Variants in MYH9 observed in about 807,000 individuals in gnomAD.
The protein encoded by MYH9 is myosin heavy chain 9.
Under a neutral mutation model 241.9 loss-of-function variants are expected in MYH9, and 29 were observed. The observed-to-expected ratio is 0.12, with a 90% confidence interval of 0.09 to 0.16. The LOEUF is 0.16. Among genes scored for constraint, MYH9 ranks in the 10% least tolerant of loss-of-function variants. The probability of loss-of-function intolerance (pLI) is 1.00; values close to 1 mark genes in which losing one functional copy is unlikely to be tolerated. For synonymous variants in MYH9, 1,047 were observed against 1,062.6 expected (o/e 0.99, Z 0.29); for missense variants, 1,803 against 2,595.5 (o/e 0.69, Z 6.63).
intron 2 of MYH9, among the ~76,000 whole-genome samples, chr22:36,348,334 C>T (rs143629566): frequency 0.03 from 4,566 of 150,848 alleles, 223 homozygotes; most frequent in African/African-American, 0.1. Context: ...CATGGTGAAA[C>T]CCCGTCTCTA....
Position 36,330,186 on chromosome 22 carries a change from A to G in MYH9, c.491-2698T>C, listed in dbSNP as rs1055107316. Among the ~76,000 whole-genome samples, 1 of 152,182 alleles carries G rather than the reference A, an allele frequency of 6.6e-6. No individual in the cohort carries two copies. Among genetic ancestry groups the G allele is most frequent in the Non-Finnish European group, 1.5e-5 (1 of 68,038 alleles). On this transcript the variant is annotated intron_variant, in intron 3 of 40. Coordinates refer to ENST00000216181, the MANE Select transcript of MYH9 (RefSeq NM_002473.6). This position sits in a 1 kb window ranked among gnomAD's most constrained non-coding sequence, Gnocchi z 4.5. ...CCCGTCCAATTCCTGAAGCCAATTT[A>G]CCACTGTCAACACAGCCTAACCATA...
chr22:36,321,134 A>T (rs1001997787), intron 7 of MYH9, among the ~76,000 whole-genome samples: 1 of 152,106 alleles, frequency 6.6e-6, no homozygotes, highest in Non-Finnish European at 1.5e-5. Context: ...TAGTAGAGAC[A>T]GAGTTTTGCC....
chr22:36,339,690 T>C (rs1371488683), intron 3 of MYH9, among the ~76,000 whole-genome samples: 1 of 152,172 alleles, frequency 6.6e-6, no homozygotes, highest in Non-Finnish European at 1.5e-5. Flanking sequence ...ACCACCACTG[T>C]CTAGATAGAC....
Position 36,302,693 on chromosome 22 carries a change from A to G in MYH9, c.2391-17T>C, listed in dbSNP as rs761153800. On this transcript the variant is annotated splice_polypyrimidine_tract_variant and intron_variant, in intron 19 of 40. Coordinates refer to ENST00000216181, the MANE Select transcript of MYH9 (RefSeq NM_002473.6). ...GCAAATGCTCTGTGTGGTGAGGAAC[A>G]TGGTCAGCGCGGAGCAGTGGACAGC... is the stretch of plus-strand genomic sequence containing the variant. The G allele has an allele frequency of 7.5e-6, 12 of 1,609,406 alleles. No homozygotes were observed. Among genetic ancestry groups the G allele is most frequent in the Admixed American group, 1.7e-5 (1 of 59,956 alleles).
At chr22:36,343,279 G>C (rs1327139570) in intron 2 of MYH9, among the ~76,000 whole-genome samples, 1 of 152,268 alleles carries the variant, frequency 6.6e-6, no homozygotes, top group East Asian at 1.9e-4. Context: ...GCTCACACTG[G>C]AATTCCAGCA....
intron 1 of MYH9, among the ~76,000 whole-genome samples, chr22:36,377,182 C>G (rs1190348394): frequency 2.0e-5 from 3 of 152,126 alleles, no homozygotes; most frequent in Admixed American, 2.0e-4. Context: ...AAAGAAGACC[C>G]CGCCTTTGAC....
chr22:36,325,744 A>C (rs2017326345), intron 5 of MYH9, among the ~76,000 whole-genome samples: 1 of 152,130 alleles, frequency 6.6e-6, no homozygotes, highest in African/African-American at 2.4e-5. Flanking sequence ...GCTGTGGGGA[A>C]ATCTGGGCAT....
chr22:36,382,188 G>C (rs895535625), intron 1 of MYH9, among the ~76,000 whole-genome samples: 1 of 152,100 alleles, frequency 6.6e-6, no homozygotes, highest in African/African-American at 2.4e-5. Flanking sequence ...AGGTACCAGA[G>C]TGCTGGCCAG....
intron 5 of MYH9, chr22:36,325,123 C>T (rs1443170102): frequency 1.3e-6 from 1 of 769,144 alleles, no homozygotes; most frequent in African/African-American, 1.7e-5. Flanking sequence ...AAATAGGCCT[C>T]CTAAAAAGAA....
At chr22:36,348,046 TATA>T (rs963418829) in intron 2 of MYH9, among the ~76,000 whole-genome samples, 14 of 146,946 alleles carry the variant, frequency 9.5e-5, no homozygotes, top group Admixed American at 6.9e-5. Context: ...ATTTTAATAA[TATA>T]ATAAATAATA....
intron 2 of MYH9, among the ~76,000 whole-genome samples, chr22:36,343,614 A>G (rs2017625665): frequency 6.6e-6 from 1 of 151,958 alleles, no homozygotes; most frequent in Non-Finnish European, 1.5e-5. Context: ...CTGCTTGGAA[A>G]AGGAGATGCA....
At chr22:36,310,387 T>C (rs995014253) in intron 14 of MYH9, among the ~76,000 whole-genome samples, 20 of 152,250 alleles carry the variant, frequency 1.3e-4, no homozygotes, top group Admixed American at 2.6e-4. Flanking sequence ...ATTACAGGCA[T>C]GAGCCCCTGT....
intron 1 of MYH9, among the ~76,000 whole-genome samples, chr22:36,359,638 A>G (rs550540359): frequency 6.6e-6 from 1 of 152,278 alleles, no homozygotes; most frequent in South Asian, 2.1e-4. Context: ...ACCTTCTAGC[A>G]CCCCCTGATT....
intron 21 of MYH9, 93 bp from the exon 22 acceptor site, chr22:36,301,150 G>T: frequency 1.6e-6 from 2 of 1,261,560 alleles, no homozygotes; most frequent in Non-Finnish European, 2.3e-6. Flanking sequence ...GATCCCAGAG[G>T]GAAAGGAACA....
In MYH9 at chr22:36,296,983, C is replaced by T. The variant is rs1260976013; in HGVS notation, c.3132G>A (p.Gln1044=). ...ERLRREEKQR[Q]ELEKTRRKLE... is the part of the protein sequence containing the mutation. Reference sequence around the variant, plus strand: ...GCTTCCGGCGGGTCTTCTCCAGCTCCTGTCGCTGCTTCTCCTCCCTGCGGA... The same window carrying T: ...GCTTCCGGCGGGTCTTCTCCAGCTCTTGTCGCTGCTTCTCCTCCCTGCGGA... The change falls in exon 25 of 41, where the codon CAG becomes CAA. Residue 1044 remains glutamine (Q), a synonymous_variant. Coordinates refer to ENST00000216181, the MANE Select transcript of MYH9 (RefSeq NM_002473.6). 1 of 1,614,036 alleles carries T rather than the reference C, an allele frequency of 6.2e-7. No homozygotes were observed. The highest frequency in any genetic ancestry group is 8.5e-7 in the Non-Finnish European group (1 of 1,180,046).
Position 36,305,111 on chromosome 22 carries a change from G to C in MYH9, c.2160-9C>G. 1 of 1,611,136 alleles carries C rather than the reference G, an allele frequency of 6.2e-7. No homozygotes were observed. Among genetic ancestry groups the C allele is most frequent in the Non-Finnish European group, 8.5e-7 (1 of 1,177,332 alleles). On this transcript the variant is annotated splice_polypyrimidine_tract_variant and intron_variant, in intron 17 of 40. Transcript: ENST00000216181. The surrounding 1 kb of genome is among the most constrained non-coding windows in gnomAD (Gnocchi z 4.7). ...GAGTCAGGATCTCATATCTGAGGAA[G>C]GAAAGAGAAGCCTGGTCATTTTACC... is the stretch of plus-strand genomic sequence containing the variant.
At chr22:36,370,834 G>A (rs572403989) in intron 1 of MYH9, among the ~76,000 whole-genome samples, 4 of 152,172 alleles carry the variant, frequency 2.6e-5, no homozygotes, top group Admixed American at 1.3e-4. Context: ...AGGAAAAAGC[G>A]CTGGTGAACC....
Position 36,301,657 on chromosome 22 carries a change from C to G in MYH9, c.2508G>C (p.Pro836=). The G allele has an allele frequency of 6.2e-7, 1 of 1,613,554 alleles. No individual in the cohort carries two copies. The highest frequency in any genetic ancestry group is 1.3e-5 in the African/African-American group (1 of 75,044). The change falls in exon 21 of 41, where the codon CCG becomes CCC. Residue 836 remains proline, a synonymous_variant. Coordinates refer to ENST00000216181, the MANE Select transcript of MYH9 (RefSeq NM_002473.6). ...QWWRLFTKVK[P]LLQVSRQEEE... The stretch of plus-strand genomic sequence containing the variant: ...CCTCCTGCCGGCTCACCTGCAGCAG[C>G]GGCTTGACCTGGGAGAGGAGATAGA...
intron 2 of MYH9, among the ~76,000 whole-genome samples, chr22:36,342,323 C>G (rs1019661041): frequency 7.2e-5 from 11 of 152,160 alleles, no homozygotes; most frequent in African/African-American, 2.4e-4. Context: ...CCTCTCTCCC[C>G]CTCCATTTCT....
Sources: gnomAD v4.1 joint callset for allele counts (sites outside exome capture counted in the v4.1 genomes callset) on GRCh38, gnomAD v4.1.1 for gene constraint, Gnocchi (gnomAD v3.1) non-coding constraint, MANE v1.5 for transcripts, NCBI Gene and HGNC (gene_info 2026-07-23, HGNC 2026-07-21) for gene names.